The following NAGPA variants were observed in gnomAD, a reference collection of about 807,000 sequenced individuals.
NAGPA encodes the protein N-acetylglucosamine-1-phosphodiester alpha-N-acetylglucosaminidase.
A neutral mutation model predicts 48.5 loss-of-function variants in NAGPA; 56 were observed. The ratio of observed to expected loss-of-function variants is 1.15; its 90% CI spans 0.93 to 1.44. NAGPA has a LOEUF of 1.44. Among genes scored for constraint, NAGPA ranks in the 40% most tolerant of loss-of-function variants. The pLI is 0.00. For synonymous variants in NAGPA, 399 were observed against 315.5 expected (o/e 1.26, Z -2.81); for missense variants, 888 against 735.0 (o/e 1.21, Z -2.41).
rs370756088 is a variant in NAGPA, at chr16:5,027,201, G to A, written c.1277-3C>T. On this transcript the variant is annotated splice_region_variant and splice_polypyrimidine_tract_variant and intron_variant, in intron 8 of 9. Coordinates refer to ENST00000312251, the MANE Select transcript of NAGPA (RefSeq NM_016256.4). ...AGGTGGCTGGAGACACTGCTTTACTGTAACATACCAGAGACAGGCTGAAGG... is the reference window on the plus strand; with the variant it reads ...AGGTGGCTGGAGACACTGCTTTACTATAACATACCAGAGACAGGCTGAAGG... 6.2e-7 allele frequency: 1 copy of A among 1,614,158 alleles called. No homozygotes were observed. The highest frequency in any genetic ancestry group is 1.1e-5 in the South Asian group (1 of 91,084).
chr16:5,027,875 G>C lies in NAGPA; in HGVS notation c.1145C>G (p.Ala382Gly). The C allele has an allele frequency of 2.5e-6, 4 of 1,582,356 alleles. No individual in the cohort carries two copies. The highest frequency in any genetic ancestry group is 3.4e-6 in the Non-Finnish European group (4 of 1,164,116). Residue 382 changes from alanine to glycine, a missense_variant, in exon 7 of 10, where the codon GCC becomes GGC. By Grantham distance (60) the Ala-to-Gly change is moderately conservative. Coordinates refer to ENST00000312251, the MANE Select transcript of NAGPA (RefSeq NM_016256.4). ...ACTGCAGTTGGACCCGGTCCATCCG[G>C]CATCACAGCGGCAGCCGGCTGCCGA... ...LCTETGCRCD[A>G]GWTGSNCSEE...
Position 5,033,555 on chromosome 16 carries a change from T to C in NAGPA, c.260A>G (p.Asp87Gly). 1 of 1,506,896 alleles carries C rather than the reference T, an allele frequency of 6.6e-7. No homozygotes were observed. Among genetic ancestry groups the C allele is most frequent in the Non-Finnish European group, 8.8e-7 (1 of 1,137,042 alleles). The allele number at this position is 1,506,896 out of a possible 1,614,324, so 93.3% of individuals were successfully genotyped here. A position where few individuals can be genotyped will look rare whatever the true frequency, so the allele number is the denominator to read the frequency against. Residue 87 changes from aspartate (D) to glycine (G), a missense_variant, in exon 2 of 10, where the codon GAC becomes GGC. Asp to Gly is a moderately conservative substitution (Grantham distance 94, BLOSUM62 -1). Coordinates refer to ENST00000312251, the MANE Select transcript of NAGPA (RefSeq NM_016256.4). The surrounding 1 kb of genome is among the most constrained non-coding windows in gnomAD (Gnocchi z 4.2). ...CGTCAGGTGGCCGGCCACCGCGCGG[T>C]CCCTGAAGTGCGACACGAAGGTGCG... ...AVRTFVSHFR[D>G]RAVAGHLTRA...
rs1955976262 is a variant in NAGPA, at chr16:5,025,330, G to A, written c.*148C>T. ...GGCAGGTGGCCAGGTGAGGGGCTGAGGCACAAGTGCTATCAGGAACTTGGC... is the reference window on the plus strand; with the variant it reads ...GGCAGGTGGCCAGGTGAGGGGCTGAAGCACAAGTGCTATCAGGAACTTGGC... On this transcript the variant is annotated 3_prime_UTR_variant, in exon 10 of 10. Coordinates refer to ENST00000312251, the MANE Select transcript of NAGPA (RefSeq NM_016256.4). 9.7e-6 allele frequency: 9 copies of A among 930,168 alleles called. No homozygotes were observed. The highest frequency in any genetic ancestry group is 1.5e-5 in the Non-Finnish European group (9 of 606,686). 57.6% of individuals were successfully genotyped at this position (930,168 alleles called of 1,614,324 possible).
Position 5,025,989 on chromosome 16 carries a change from C to T in NAGPA, c.1341-304G>A, listed in dbSNP as rs981933089. 2.0e-5 allele frequency among the ~76,000 whole-genome samples: 3 copies of T among 150,722 alleles called. No homozygotes were observed. In the South Asian group the frequency reaches 6.3e-4, roughly 32 times the overall value. On this transcript the variant is annotated intron_variant, in intron 9 of 9. Coordinates refer to ENST00000312251, the MANE Select transcript of NAGPA (RefSeq NM_016256.4). ...TGTCATCCAGGCTGGAGTGCAGTGG[C>T]ATGATCTCAGCTCACTGCAATCTCC...
Position 5,033,560 on chromosome 16 carries a change from G to A in NAGPA, c.255C>T (p.Phe85=). Residue 85 remains phenylalanine (F), a synonymous_variant, in exon 2 of 10, where the codon TTC becomes TTT. Coordinates refer to ENST00000312251, the MANE Select transcript of NAGPA (RefSeq NM_016256.4). The surrounding 1 kb of genome is among the most constrained non-coding windows in gnomAD (Gnocchi z 4.2). The part of the protein sequence containing the change: ...GLAVRTFVSH[F]RDRAVAGHLT... ...GGTGGCCGGCCACCGCGCGGTCCCT[G>A]AAGTGCGACACGAAGGTGCGCACGG... is the stretch of plus-strand genomic sequence containing the variant. The A allele has an allele frequency of 6.6e-7, 1 of 1,506,546 alleles. No homozygotes were observed. Among genetic ancestry groups the A allele is most frequent in the African/African-American group, 1.4e-5 (1 of 70,064 alleles). 93.3% of individuals were successfully genotyped at this position (1,506,546 alleles called of 1,614,324 possible).
chr16:5,024,873 CTTT>C lies in NAGPA; in HGVS notation c.*602_*604del, dbSNP rs777838777. 6.4e-6 allele frequency: 1 copy of C among 156,936 alleles called. No individual in the cohort carries two copies. The allele number at this position is 156,936 out of a possible 1,614,324, so 9.7% of individuals were successfully genotyped here. A position where few individuals can be genotyped will look rare whatever the true frequency, so the allele number is the denominator to read the frequency against. ...GAATCCACACACCACCTGGTGGCTC[CTTT>C]TATTATATCAATTTATTCAAGTGAT... On this transcript the variant is annotated 3_prime_UTR_variant, in exon 10 of 10. Coordinates refer to ENST00000312251, the MANE Select transcript of NAGPA (RefSeq NM_016256.4).
Position 5,033,520 on chromosome 16 carries a change from CA to C in NAGPA, c.294del (p.Glu99SerfsTer45), listed in dbSNP as rs1359148230. On this transcript the variant is annotated frameshift_variant, in exon 2 of 10. Transcript: ENST00000312251. LOFTEE classifies it high-confidence loss of function. This position sits in a 1 kb window ranked among gnomAD's most constrained non-coding sequence, Gnocchi z 4.2. ...AGCACCGAGAAGGTGCGCAGGGGCTCAACGGCCCGCGTCAGGTGGCCGGCCA... is the reference window on the plus strand; with the variant it reads ...AGCACCGAGAAGGTGCGCAGGGGCTCACGGCCCGCGTCAGGTGGCCGGCCA... ...RAVAGHLTRA[V>X]EPLRTFSVLE... is the part of the protein sequence containing the mutation. 27 of 1,524,056 alleles carry C rather than the reference CA, an allele frequency of 1.8e-5. No individual in the cohort carries two copies. Among genetic ancestry groups the C allele is most frequent in the Non-Finnish European group, 2.3e-5 (26 of 1,145,704 alleles). The allele number at this position is 1,524,056 out of a possible 1,614,324, so 94.4% of individuals were successfully genotyped here.
chr16:5,032,418 G>T lies in NAGPA; in HGVS notation c.543-534C>A, dbSNP rs1596668337. Among the ~76,000 whole-genome samples, 3 of 152,262 alleles carry T rather than the reference G, an allele frequency of 2.0e-5. 1 individual carries two copies. The South Asian group carries it at 6.2e-4, about 32-fold the overall frequency. On this transcript the variant is annotated intron_variant, in intron 2 of 9. Coordinates refer to ENST00000312251, the MANE Select transcript of NAGPA (RefSeq NM_016256.4). Reference sequence around the variant, plus strand: ...CACCTGTCATCCCAGCACTTTGGGAGGCTGAGGTGGGTGGATCACTTGAGG... The same window carrying T: ...CACCTGTCATCCCAGCACTTTGGGATGCTGAGGTGGGTGGATCACTTGAGG...
At position 5,033,539 on chromosome 16, in the gene NAGPA, G is replaced by T. The variant is rs755208240; in HGVS notation, c.276C>A (p.Gly92=). 29 of 1,506,546 alleles carry T rather than the reference G, an allele frequency of 1.9e-5. No individual in the cohort carries two copies. The East Asian group carries it at 7.0e-4, about 36-fold the overall frequency. 93.3% of individuals were successfully genotyped at this position (1,506,546 alleles called of 1,614,324 possible). ...VSHFRDRAVA[G]HLTRAVEPLR... ...GGGGCTCAACGGCCCGCGTCAGGTGGCCGGCCACCGCGCGGTCCCTGAAGT... is the reference window on the plus strand; with the variant it reads ...GGGGCTCAACGGCCCGCGTCAGGTGTCCGGCCACCGCGCGGTCCCTGAAGT... Residue 92 remains glycine, a synonymous_variant, in exon 2 of 10, where the codon GGC becomes GGA. Coordinates refer to ENST00000312251, the MANE Select transcript of NAGPA (RefSeq NM_016256.4). The surrounding 1 kb of genome is among the most constrained non-coding windows in gnomAD (Gnocchi z 4.2).
At position 5,028,336 on chromosome 16, in the gene NAGPA, GCGATCCTTCCACC is replaced by G. The variant is rs1398764651; in HGVS notation, c.921-164_921-152del. The G allele has an allele frequency of 2.8e-6, 4 of 1,436,430 alleles. No homozygotes were observed. In the Admixed American group the frequency reaches 7.9e-5, roughly 28 times the overall value. The allele number at this position is 1,436,430 out of a possible 1,614,324, so 89.0% of individuals were successfully genotyped here. A position where few individuals can be genotyped will look rare whatever the true frequency, so the allele number is the denominator to read the frequency against. Reference sequence around the variant, plus strand: ...CTATCTATTTTTGAGATGAGGTATTGCGATCCTTCCACCCGAGCCTCCTGAGCAGCTGTAACCG... The same window carrying G: ...CTATCTATTTTTGAGATGAGGTATTGCGAGCCTCCTGAGCAGCTGTAACCG... On this transcript the variant is annotated intron_variant, in intron 5 of 9. Transcript: ENST00000312251.
chr16:5,033,011 T>C lies in NAGPA; in HGVS notation c.542+262A>G, dbSNP rs1956129237. 1 of 577,426 alleles carries C rather than the reference T, an allele frequency of 1.7e-6. No homozygotes were observed. The highest frequency in any genetic ancestry group is 2.9e-5 in the East Asian group (1 of 34,022). 35.8% of individuals were successfully genotyped at this position (577,426 alleles called of 1,614,324 possible). ...TTTACCCGGCTTTTGTTGATTTTTC[T>C]AGTAATGGGGGAGGGCTGTTAAGGC... On this transcript the variant is annotated intron_variant, in intron 2 of 9. Transcript: ENST00000312251. The surrounding 1 kb of genome is among the most constrained non-coding windows in gnomAD (Gnocchi z 4.2).
intron 2 of NAGPA, 74 bp from the exon 3 acceptor site, chr16:5,031,958 C>G (rs1567141849): frequency 6.2e-7 from 1 of 1,601,578 alleles, no homozygotes; most frequent in East Asian, 2.2e-5. Context: ...TTCTCCCTAG[C>G]CATCCCAACC....
chr16:5,030,055 G>A, intron 4 of NAGPA: 1 of 474,488 alleles, frequency 2.1e-6, no homozygotes, highest in Non-Finnish European at 3.9e-6. Flanking sequence ...CGAGGGACTT[G>A]TCTACGGCAT....
rs765165476 is a variant in NAGPA, at chr16:5,028,212, G to C, written c.921-27C>G. 18 of 1,551,642 alleles carry C rather than the reference G, an allele frequency of 1.2e-5. No homozygotes were observed. In the South Asian group the frequency reaches 1.8e-4, roughly 15 times the overall value. ...TGTAGAGGGATGTGATGTGTGAGGA[G>C]AGGACACCCCCAGACGGCCCCTCAA... On this transcript the variant is annotated intron_variant, in intron 5 of 9. Transcript: ENST00000312251.
At chr16:5,032,014 G>A (rs1956108979) in intron 2 of NAGPA, 130 bp from the exon 3 acceptor site, 1 of 1,237,262 alleles carries the variant, frequency 8.1e-7, no homozygotes, top group Non-Finnish European at 1.2e-6. Flanking sequence ...CCTGGGGCCT[G>A]AGTGTAGCTG....
At chr16:5,032,482 C>T (rs1304812157) in intron 2 of NAGPA, among the ~76,000 whole-genome samples, 1 of 135,108 alleles carries the variant, frequency 7.4e-6, no homozygotes, top group African/African-American at 2.8e-5. Flanking sequence ...ATGGTGAACC[C>T]ACTCCCCCGT....
chr16:5,029,096 G>T, intron 4 of NAGPA, 88 bp from the exon 5 acceptor site: 1 of 1,590,632 alleles, frequency 6.3e-7, no homozygotes. Flanking sequence ...AGAGCATCAC[G>T]CCCACAGTGC....
At chr16:5,025,969 T>C (rs1358226096) in intron 9 of NAGPA, among the ~76,000 whole-genome samples, 29 of 150,340 alleles carry the variant, frequency 1.9e-4, no homozygotes. Context: ...CGCCCTGTCA[T>C]CCAGGCTGGA....
At position 5,028,968 on chromosome 16, in the gene NAGPA, C is replaced by G; in HGVS notation, c.832G>C (p.Asp278His). Residue 278 changes from aspartate to histidine, a missense_variant, in exon 5 of 10, where the codon GAC becomes CAC. By Grantham distance (81) the Asp-to-His change is moderately conservative. Transcript: ENST00000312251. ...WEMAEFLLKQ[D>H]VVNAINLDGG... ...TCCAGGTTGATGGCGTTGACCACGTCCTGTTTCAGCAGGAACTCCGCCATT... is the reference window on the plus strand; with the variant it reads ...TCCAGGTTGATGGCGTTGACCACGTGCTGTTTCAGCAGGAACTCCGCCATT... 1 of 1,613,982 alleles carries G rather than the reference C, an allele frequency of 6.2e-7. No homozygotes were observed. Among genetic ancestry groups the G allele is most frequent in the Non-Finnish European group, 8.5e-7 (1 of 1,180,050 alleles).
Sources: allele counts gnomAD v4.1 joint callset (sites outside exome capture counted in the v4.1 genomes callset), GRCh38; gene constraint gnomAD v4.1.1; non-coding constraint Gnocchi (gnomAD v3.1); transcripts MANE v1.5; gene names NCBI Gene and HGNC (gene_info 2026-07-23, HGNC 2026-07-21).